KCNMB2: variants seen among roughly 807,000 people sequenced by gnomAD.
The protein encoded by KCNMB2 is calcium-activated potassium channel subunit beta-2.
A neutral mutation model predicts 24.5 loss-of-function variants in KCNMB2; 9 were observed. The observed-to-expected ratio is 0.37, with a 90% CI of 0.22 to 0.64. The LOEUF (loss-of-function observed/expected upper bound fraction) is 0.64. KCNMB2 is among the 30% of genes least tolerant of loss of function. The pLI, the probability that KCNMB2 is intolerant of heterozygous loss-of-function variation, is 0.63. For missense variants in KCNMB2, 226 were observed against 284.3 expected (o/e 0.79, Z 1.47); for synonymous variants, 109 against 104.4 (o/e 1.04, Z -0.27).
chr3:178,615,686 G>T lies in KCNMB2; in HGVS notation c.-68+78975G>T, dbSNP rs144498663. ...TGTCAGGGCAATGGGCTCCCCGCTG[G>T]CCTAGGGCAGGTCCAGAAATGCCAT... On this transcript the variant is annotated intron_variant, in intron 1 of 4. Transcript: ENST00000452583. 1.2e-3 allele frequency among the ~76,000 whole-genome samples: 187 copies of T among 152,292 alleles called. 4 individuals carry two copies. Among genetic ancestry groups the T allele is most frequent in the African/African-American group, 1.6e-3 (65 of 41,570 alleles).
intron 1 of KCNMB2, among the ~76,000 whole-genome samples, chr3:178,574,887 C>T (rs1308064781): frequency 6.6e-6 from 1 of 151,996 alleles, no homozygotes; most frequent in Non-Finnish European, 1.5e-5. Flanking sequence ...GGCCAACATG[C>T]TGAAACCCCG....
intron 1 of KCNMB2, among the ~76,000 whole-genome samples, chr3:178,605,192 G>C (rs2108511104): frequency 6.6e-6 from 1 of 152,078 alleles, no homozygotes; most frequent in South Asian, 2.1e-4. Flanking sequence ...CTCATGAATG[G>C]GATTAAAGCC....
chr3:178,732,774 G>GT (rs1469901611), intron 1 of KCNMB2, among the ~76,000 whole-genome samples: 4 of 152,142 alleles, frequency 2.6e-5, no homozygotes, highest in Non-Finnish European at 5.9e-5. Context: ...TGATGAAAAT[G>GT]TGACCAGAGG....
At position 178,757,694 on chromosome 3, in the gene KCNMB2, A is replaced by G. The variant is rs555800660; in HGVS notation, c.-67-49649A>G. On this transcript the variant is annotated intron_variant, in intron 1 of 4. Transcript: ENST00000452583. ...TATATCCAAGAGGATATATATATGT[A>G]TATATATCCAAGAGGATATATATAT... Among the ~76,000 whole-genome samples, 10 of 69,502 alleles carry G rather than the reference A, an allele frequency of 1.4e-4. 1 individual carries two copies. Among genetic ancestry groups the G allele is most frequent in the East Asian group, 1.0e-3 (3 of 2,866 alleles). 45.6% of individuals were successfully genotyped at this position (69,502 alleles called of 152,430 possible). A position where few individuals can be genotyped will look rare whatever the true frequency, so the allele number is the denominator to read the frequency against.
chr3:178,723,132 T>C (rs907979059), intron 1 of KCNMB2, among the ~76,000 whole-genome samples: 3 of 152,184 alleles, frequency 2.0e-5, no homozygotes, highest in African/African-American at 7.2e-5. Context: ...AATCTTAAAA[T>C]CAGTAATATA....
At chr3:178,778,728 C>T (rs1286149316) in intron 1 of KCNMB2, among the ~76,000 whole-genome samples, 3 of 152,184 alleles carry the variant, frequency 2.0e-5, no homozygotes, top group Admixed American at 6.6e-5. Context: ...GCCAGTTAGG[C>T]TCTCCCTCCC....
At chr3:178,776,328 G>T (rs76933495) in intron 1 of KCNMB2, among the ~76,000 whole-genome samples, 3 of 151,954 alleles carry the variant, frequency 2.0e-5, no homozygotes, top group Non-Finnish European at 2.9e-5. Context: ...CAGTCATCAA[G>T]CCCTGACCCT....
At chr3:178,759,367 AAGAGGATATATATATATATATATC>A (rs1239902005) in intron 1 of KCNMB2, among the ~76,000 whole-genome samples, 1,206 of 57,150 alleles carry the variant, frequency 0.021, 255 homozygotes, top group African/African-American at 0.068. Flanking sequence ...ATATATCTCC[AAGAGGATATATATATATATATATC>A]TCTCCAAGAG....
intron 4 of KCNMB2, among the ~76,000 whole-genome samples, chr3:178,829,016 C>T (rs1714951693): frequency 6.6e-6 from 1 of 150,974 alleles, no homozygotes; most frequent in Non-Finnish European, 1.5e-5. Context: ...ATTTTCCAGT[C>T]CACTAAGATA....
intron 1 of KCNMB2, among the ~76,000 whole-genome samples, chr3:178,779,292 A>T (rs1712725220): frequency 6.6e-6 from 1 of 152,228 alleles, no homozygotes. Flanking sequence ...CTCTTCCAGA[A>T]GACCATCTCT....
rs1212388839 is a variant in KCNMB2, at chr3:178,759,842, CTA to C, written c.-67-47485_-67-47484del. ...TATATATATATCCAAGAGGATATATCTATATATATATATATATCCAAGAGGAT... is the reference window on the plus strand; with the variant it reads ...TATATATATATCCAAGAGGATATATCTATATATATATATATCCAAGAGGAT... On this transcript the variant is annotated intron_variant, in intron 1 of 4. Coordinates refer to ENST00000452583, the MANE Select transcript of KCNMB2 (RefSeq NM_181361.3). 1.8e-3 allele frequency among the ~76,000 whole-genome samples: 8 copies of C among 4,326 alleles called. 2 individuals carry two copies. Among genetic ancestry groups the C allele is most frequent in the African/African-American group, 6.2e-3 (4 of 650 alleles). 2.8% of individuals were successfully genotyped at this position (4,326 alleles called of 152,430 possible).
rs189196734 is a variant in KCNMB2, at chr3:178,574,793, C to T, written c.-68+38082C>T. On this transcript the variant is annotated intron_variant, in intron 1 of 4. Transcript: ENST00000452583. ...AATAAATTAATAAATCTGGGCCAGG[C>T]GTGGTGGCTTATGCCTGTAATTCCA... Among the ~76,000 whole-genome samples the T allele has an allele frequency of 3.5e-4, 54 of 152,242 alleles. 2 individuals carry two copies. The East Asian group carries it at 8.5e-3, about 24-fold the overall frequency.
intron 1 of KCNMB2, among the ~76,000 whole-genome samples, chr3:178,722,134 CATTTT>C (rs1214269304): frequency 1.3e-5 from 2 of 152,070 alleles, no homozygotes; most frequent in African/African-American, 4.8e-5. Flanking sequence ...AAGATTTCCC[CATTTT>C]TTTTCTAAAA....
chr3:178,628,840 T>C (rs769065683), intron 1 of KCNMB2, among the ~76,000 whole-genome samples: 1 of 152,172 alleles, frequency 6.6e-6, no homozygotes, highest in African/African-American at 2.4e-5. Context: ...TACTTCCAAC[T>C]GTGTATATTA....
rs183190796 is a variant in KCNMB2, at chr3:178,662,896, G to T, written c.-68+126185G>T. On this transcript the variant is annotated intron_variant, in intron 1 of 4. Transcript: ENST00000452583. ...CAGGCCTAAGAGAAGTTCAGTAATTGGGTCATCCAATGTATCAGGTAGCTA... is the reference window on the plus strand; with the variant it reads ...CAGGCCTAAGAGAAGTTCAGTAATTTGGTCATCCAATGTATCAGGTAGCTA... 5.2e-3 allele frequency among the ~76,000 whole-genome samples: 797 copies of T among 152,148 alleles called. 5 individuals carry two copies. The highest frequency in any genetic ancestry group is 0.018 in the African/African-American group (755 of 41,524).
At chr3:178,669,634 T>C (rs751782131) in intron 1 of KCNMB2, among the ~76,000 whole-genome samples, 21 of 152,132 alleles carry the variant, frequency 1.4e-4, no homozygotes, top group Non-Finnish European at 2.6e-4. Flanking sequence ...GCAATCCCTG[T>C]CTTCCAGGAA....
At chr3:178,625,932 G>A (rs977181992) in intron 1 of KCNMB2, among the ~76,000 whole-genome samples, 23 of 152,174 alleles carry the variant, frequency 1.5e-4, no homozygotes, top group Non-Finnish European at 2.8e-4. Flanking sequence ...ATAAGTATTA[G>A]TGAGAGACAT....
At chr3:178,557,911 G>A (rs1042304494) in intron 1 of KCNMB2, among the ~76,000 whole-genome samples, 2 of 152,120 alleles carry the variant, frequency 1.3e-5, no homozygotes, top group African/African-American at 4.8e-5. Context: ...ACATTGAAAC[G>A]AAACCTTGGA....
chr3:178,731,562 G>T (rs1287659292), intron 1 of KCNMB2, among the ~76,000 whole-genome samples: 1 of 152,166 alleles, frequency 6.6e-6, no homozygotes, highest in African/African-American at 2.4e-5. Flanking sequence ...TGTGTTCCCT[G>T]ATGGAAGTAC....
Sources: allele counts gnomAD v4.1 joint callset (sites outside exome capture counted in the v4.1 genomes callset), GRCh38; gene constraint gnomAD v4.1.1; transcripts MANE v1.5; gene names NCBI Gene and HGNC (gene_info 2026-07-23, HGNC 2026-07-21).